DIAPH3: variants seen among roughly 807,000 people sequenced by gnomAD.
The protein encoded by DIAPH3 is protein diaphanous homolog 3.
A neutral mutation model predicts 144.3 loss-of-function variants in DIAPH3; 117 were observed. The observed-to-expected ratio is 0.81, with a 90% confidence interval of 0.70 to 0.95. The LOEUF is 0.95. DIAPH3 is among the 40% of genes least tolerant of loss of function. DIAPH3 has a pLI of 0.00. For synonymous variants in DIAPH3, 519 were observed against 488.9 expected, an observed-to-expected ratio of 1.06 and a Z score of -0.81; for missense variants, 1,421 against 1,412.7, an observed-to-expected ratio of 1.01 and a Z score of -0.09.
At chr13:59,804,355 T>C (rs1192072974) in intron 25 of DIAPH3, among the ~76,000 whole-genome samples, 2 of 152,152 alleles carry the variant, frequency 1.3e-5, no homozygotes, top group East Asian at 1.9e-4. Flanking sequence ...TCCTGTACCA[T>C]GGTTAAATCA....
At chr13:59,924,069 A>G (rs541484852) in intron 18 of DIAPH3, among the ~76,000 whole-genome samples, 13 of 152,294 alleles carry the variant, frequency 8.5e-5, no homozygotes, top group African/African-American at 3.1e-4. Flanking sequence ...CCCATTATTC[A>G]TATCCCTCTT....
In DIAPH3 at chr13:60,163,611, C is replaced by T. The variant is rs202198529; in HGVS notation, c.156G>A (p.Glu52=). The T allele has an allele frequency of 2.3e-5, 37 of 1,602,448 alleles. No individual in the cohort carries two copies. The Admixed American group carries it at 6.1e-4, about 26-fold the overall frequency. The change falls in exon 1 of 28, where the codon GAG becomes GAA. Residue 52 remains glutamate, a synonymous_variant. Transcript: ENST00000400324. ...CAAACTTGGGGCGCTTCTCCCCAGG[C>T]TCCTCGGGGCCACTGGGCGGCGGAG... is the stretch of plus-strand genomic sequence containing the variant. The part of the protein sequence containing the change: ...QHPPPPSGPE[E]PGEKRPKFHL...
chr13:59,846,888 C>A (rs2042667036), intron 22 of DIAPH3, among the ~76,000 whole-genome samples: 1 of 152,052 alleles, frequency 6.6e-6, no homozygotes, highest in Non-Finnish European at 1.5e-5. Context: ...CCAGACTGGG[C>A]AACACAGTGA....
intron 21 of DIAPH3, among the ~76,000 whole-genome samples, chr13:59,876,506 G>A (rs1461215694): frequency 6.6e-6 from 1 of 152,146 alleles, no homozygotes; most frequent in Non-Finnish European, 1.5e-5. Context: ...ATGCATCAGT[G>A]ATTGTATCTC....
At position 59,774,965 on chromosome 13, in the gene DIAPH3, C is replaced by T. The variant is rs192229691; in HGVS notation, c.3164-142G>A. 672 of 707,640 alleles carry T rather than the reference C, an allele frequency of 9.5e-4. 1 individual carries two copies. The highest frequency in any genetic ancestry group is 8.4e-4 in the Non-Finnish European group (335 of 397,408). 43.8% of individuals were successfully genotyped at this position (707,640 alleles called of 1,614,324 possible). ...CTAAGCTAGCAATTTCAAAATAGGA[C>T]AGGACTTTAACTCTCTCATTAAATC... On this transcript the variant is annotated intron_variant, in intron 25 of 27. Coordinates refer to ENST00000400324, the MANE Select transcript of DIAPH3 (RefSeq NM_001042517.2).
intron 16 of DIAPH3, 21 bp from the exon 17 acceptor site, chr13:59,970,079 G>A (rs539623477): frequency 7.0e-7 from 1 of 1,437,274 alleles, no homozygotes; most frequent in Non-Finnish European, 9.7e-7. Context: ...AGAGAAGACT[G>A]ATTCATCAAT....
chr13:59,775,061 G>T (rs2139284328), intron 25 of DIAPH3, among the ~76,000 whole-genome samples: 1 of 152,264 alleles, frequency 6.6e-6, no homozygotes, highest in South Asian at 2.1e-4. Context: ...GAGTTCCACG[G>T]ATTCACTTCA....
At chr13:59,895,378 G>A (rs1367703921) in intron 20 of DIAPH3, among the ~76,000 whole-genome samples, 1 of 145,536 alleles carries the variant, frequency 6.9e-6, no homozygotes, top group Non-Finnish European at 1.5e-5. Flanking sequence ...AAAAATAGCA[G>A]TAATGGAAAA....
intron 25 of DIAPH3, among the ~76,000 whole-genome samples, chr13:59,782,274 G>A (rs1220301749): frequency 6.6e-6 from 1 of 152,152 alleles, no homozygotes; most frequent in Non-Finnish European, 1.5e-5. Flanking sequence ...TGGGGTAAAG[G>A]AAGAGGGGTA....
At chr13:59,993,615 C>G (rs903129985) in intron 9 of DIAPH3, among the ~76,000 whole-genome samples, 8 of 147,454 alleles carry the variant, frequency 5.4e-5, no homozygotes, top group Admixed American at 1.4e-4. Context: ...AAAATCTGAC[C>G]AGCATGCCTC....
At chr13:59,921,299 A>C (rs2047506569) in intron 18 of DIAPH3, among the ~76,000 whole-genome samples, 1 of 151,104 alleles carries the variant, frequency 6.6e-6, no homozygotes, top group Non-Finnish European at 1.5e-5. Context: ...AAGAAAAAAC[A>C]ACCAAAAATT....
chr13:59,734,583 G>A (rs189972798), intron 27 of DIAPH3, among the ~76,000 whole-genome samples: 67 of 152,120 alleles, frequency 4.4e-4, no homozygotes, highest in African/African-American at 1.4e-3. Flanking sequence ...CAAGTCATTC[G>A]GAGCCATCAA....
rs1316120499 is a variant in DIAPH3 at position 60,089,137 on chromosome 13, C to T, written c.495+4491G>A. ...CAGCTCACCTTTAACACAACTCAAG[C>T]ACCTACAAGAAAATAAGCATTAATA... is the stretch of plus-strand genomic sequence containing the variant. On this transcript the variant is annotated intron_variant, in intron 4 of 27. Transcript: ENST00000400324. 3.3e-5 allele frequency among the ~76,000 whole-genome samples: 5 copies of T among 152,102 alleles called. No individual in the cohort carries two copies. The East Asian group carries it at 9.6e-4, about 29-fold the overall frequency.
intron 24 of DIAPH3, among the ~76,000 whole-genome samples, chr13:59,813,397 T>C (rs1442801183): frequency 6.6e-6 from 1 of 151,906 alleles, no homozygotes; most frequent in African/African-American, 2.4e-5. Context: ...CATTCTCTAA[T>C]CTGGCCCAGA....
intron 1 of DIAPH3, among the ~76,000 whole-genome samples, chr13:60,156,937 ATATT>A (rs1474158713): frequency 4.5e-3 from 240 of 53,678 alleles, no homozygotes; most frequent in African/African-American, 0.016. Flanking sequence ...ATATATATAT[ATATT>A]TTTTTTTTTT....
chr13:59,673,149 A>C (rs1179970910), intron 27 of DIAPH3, among the ~76,000 whole-genome samples: 1 of 152,210 alleles, frequency 6.6e-6, no homozygotes, highest in African/African-American at 2.4e-5. Flanking sequence ...CAGCCTCTAA[A>C]GAGAACAGTA....
At chr13:59,670,936 T>A (rs1197722897) in intron 27 of DIAPH3, among the ~76,000 whole-genome samples, 7 of 152,214 alleles carry the variant, frequency 4.6e-5, no homozygotes, top group African/African-American at 1.7e-4. Context: ...GGATAAGCTA[T>A]CTACCCGCCT....
At chr13:59,890,676 A>AT (rs2045733368) in intron 20 of DIAPH3, among the ~76,000 whole-genome samples, 3 of 151,928 alleles carry the variant, frequency 2.0e-5, no homozygotes, top group East Asian at 3.9e-4. Flanking sequence ...TCTTCTCCAC[A>AT]TATATACATA....
At chr13:59,903,621 A>G (rs1258160339) in intron 20 of DIAPH3, among the ~76,000 whole-genome samples, 2 of 152,278 alleles carry the variant, frequency 1.3e-5, no homozygotes, top group African/African-American at 4.8e-5. Context: ...TAAAAAAAAA[A>G]AAAAAGTGTG....
Sources: gnomAD v4.1 joint callset for allele counts (sites outside exome capture counted in the v4.1 genomes callset) on GRCh38, gnomAD v4.1.1 for gene constraint, MANE v1.5 for transcripts, NCBI Gene and HGNC (gene_info 2026-07-23, HGNC 2026-07-21) for gene names.